NRG1: variants seen among roughly 807,000 people sequenced by gnomAD.
NRG1 encodes the protein pro-neuregulin-1, membrane-bound isoform.
NRG1 carries 18 observed loss-of-function variants against 63.8 expected under a neutral mutation model. The ratio of observed to expected loss-of-function variants is 0.28; its 90% confidence interval spans 0.19 to 0.42. NRG1 has a LOEUF of 0.42. Ranked by LOEUF, NRG1 falls within the 10% of genes least tolerant of loss-of-function variation. The probability of loss-of-function intolerance (pLI) is 1.00; values close to 1 mark genes in which losing one functional copy is unlikely to be tolerated. For synonymous variants in NRG1, 302 were observed against 301.3 expected (o/e 1.00, Z -0.02); for missense variants, 762 against 814.7 (o/e 0.94, Z 0.79).
At chr8:32,344,382 C>CT (rs59156035) in intron 1 of NRG1, among the ~76,000 whole-genome samples, 1,771 of 65,954 alleles carry the variant, frequency 0.027, 132 homozygotes, top group Middle Eastern at 0.051. Flanking sequence ...TTCTTTCTTT[C>CT]TCTTTCTTTC....
chr8:32,636,928 G>GA (rs987886557), intron 5 of NRG1, among the ~76,000 whole-genome samples: 3 of 151,868 alleles, frequency 2.0e-5, no homozygotes, highest in Non-Finnish European at 4.4e-5. Context: ...TGCAGAGAAG[G>GA]AAAAAAATAA....
intron 6 of NRG1, among the ~76,000 whole-genome samples, chr8:32,735,394 G>A (rs1360043306): frequency 6.6e-6 from 1 of 152,098 alleles, no homozygotes; most frequent in Non-Finnish European, 1.5e-5. Context: ...CCCCATAAAT[G>A]TATACAAGTA....
chr8:32,490,982 A>AG (rs1826486133), intron 1 of NRG1, among the ~76,000 whole-genome samples: 1 of 152,196 alleles, frequency 6.6e-6, no homozygotes, highest in Non-Finnish European at 1.5e-5. Flanking sequence ...TGGTTTCAGA[A>AG]GAATACATAG....
intron 1 of NRG1, among the ~76,000 whole-genome samples, chr8:32,387,013 A>G (rs550495593): frequency 6.6e-6 from 1 of 152,322 alleles, no homozygotes; most frequent in East Asian, 1.9e-4. Flanking sequence ...AGAACCAGGA[A>G]TATGGCCTGA....
At chr8:32,559,578 C>T (rs1028769765) in intron 1 of NRG1, among the ~76,000 whole-genome samples, 2 of 152,062 alleles carry the variant, frequency 1.3e-5, no homozygotes, top group Non-Finnish European at 2.9e-5. Context: ...TACAGGCTTT[C>T]TTTTCAATTA....
intron 1 of NRG1, among the ~76,000 whole-genome samples, chr8:32,490,214 A>G (rs1040528624): frequency 2.5e-4 from 38 of 151,814 alleles, no homozygotes; most frequent in African/African-American, 9.0e-4. Flanking sequence ...CTGAGGTAGG[A>G]GGATTGCTTG....
At chr8:32,349,002 A>C (rs967127475) in intron 1 of NRG1, among the ~76,000 whole-genome samples, 1 of 152,192 alleles carries the variant, frequency 6.6e-6, no homozygotes, top group East Asian at 1.9e-4. Context: ...TTGTTGGATA[A>C]ATGACTTTAT....
At position 32,348,339 on chromosome 8, in the gene NRG1, G is replaced by A. The variant is rs28582253; in HGVS notation, c.38-247489G>A. ...GTTCTTTTCACACCACTTTTTAGTGGATTCCATCCTGTCTCTCTTCTTGTG... is the reference window on the plus strand; with the variant it reads ...GTTCTTTTCACACCACTTTTTAGTGAATTCCATCCTGTCTCTCTTCTTGTG... On this transcript the variant is annotated intron_variant, in intron 1 of 10. Coordinates refer to the NRG1 transcript ENST00000519301. Among the ~76,000 whole-genome samples, 910 of 152,012 alleles carry A rather than the reference G, an allele frequency of 6.0e-3. 15 individuals carry two copies. The highest frequency in any genetic ancestry group is 0.021 in the African/African-American group (859 of 41,436).
intron 1 of NRG1, among the ~76,000 whole-genome samples, chr8:31,658,588 G>T (rs751960313): frequency 1.5e-4 from 23 of 152,182 alleles, no homozygotes; most frequent in African/African-American, 5.3e-4. Flanking sequence ...TCAGCCTCCC[G>T]GGTAGCTGGG....
chr8:32,091,512 C>T (rs1439535823), intron 1 of NRG1, among the ~76,000 whole-genome samples: 4 of 152,132 alleles, frequency 2.6e-5, no homozygotes, highest in Non-Finnish European at 5.9e-5. Context: ...AGTAAAGGAG[C>T]TGAAATAAGA....
intron 1 of NRG1, among the ~76,000 whole-genome samples, chr8:32,205,567 A>G (rs1482538889): frequency 6.6e-6 from 1 of 152,168 alleles, no homozygotes; most frequent in African/African-American, 2.4e-5. Flanking sequence ...ATTGTGAACA[A>G]AAAGAGGAAT....
At chr8:32,632,732 A>G (rs930172156) in intron 5 of NRG1, among the ~76,000 whole-genome samples, 3 of 152,108 alleles carry the variant, frequency 2.0e-5, no homozygotes, top group African/African-American at 7.2e-5. Context: ...ATGATACAGG[A>G]TGTTCATCCT....
At chr8:31,740,837 G>T (rs191790779) in intron 1 of NRG1, among the ~76,000 whole-genome samples, 2 of 151,918 alleles carry the variant, frequency 1.3e-5, no homozygotes, top group Admixed American at 6.6e-5. Context: ...TCTGAGATGG[G>T]AAGTGTTTCG....
At chr8:32,624,548 T>C (rs188660503) in intron 5 of NRG1, among the ~76,000 whole-genome samples, 43 of 152,300 alleles carry the variant, frequency 2.8e-4, no homozygotes, top group African/African-American at 1.0e-3. Context: ...TTGAAAATTG[T>C]GTTTCATTGG....
At chr8:32,768,129 A>G (rs746284012), downstream of NRG1, among the ~76,000 whole-genome samples, 2 of 152,180 alleles carry the variant, frequency 1.3e-5, no homozygotes, top group African/African-American at 2.4e-5. Flanking sequence ...CCTGTTCTCA[A>G]ATCATCTCCT....
intron 2 of NRG1, among the ~76,000 whole-genome samples, chr8:32,604,288 CA>C (rs1437812659): frequency 6.6e-6 from 1 of 152,110 alleles, no homozygotes; most frequent in Admixed American, 6.6e-5. Flanking sequence ...GGTGGAAGAT[CA>C]GGGGGTCTAC....
intron 5 of NRG1, among the ~76,000 whole-genome samples, chr8:32,626,503 A>C (rs1415476266): frequency 6.6e-6 from 1 of 151,894 alleles, no homozygotes; most frequent in Non-Finnish European, 1.5e-5. Flanking sequence ...ACATGGTGAA[A>C]GCCCATCGCT....
chr8:32,677,923 T>C (rs953476664), intron 5 of NRG1, among the ~76,000 whole-genome samples: 2 of 152,196 alleles, frequency 1.3e-5, no homozygotes, highest in African/African-American at 4.8e-5. Context: ...ATATCAAGTG[T>C]ACCTAATCAG....
At chr8:31,705,732 C>T (rs1283596707) in intron 1 of NRG1, among the ~76,000 whole-genome samples, 1 of 152,156 alleles carries the variant, frequency 6.6e-6, no homozygotes, top group Non-Finnish European at 1.5e-5. Context: ...ATAGGATTTT[C>T]ACCTACCTTG....
Sources: gnomAD v4.1 joint callset for allele counts (sites outside exome capture counted in the v4.1 genomes callset) on GRCh38, gnomAD v4.1.1 for gene constraint, MANE v1.5 for transcripts, NCBI Gene and HGNC (gene_info 2026-07-23, HGNC 2026-07-21) for gene names.